Variants in RARB observed in about 807,000 individuals in gnomAD.
RARB encodes retinoic acid receptor beta, also known as HBV-activated protein.
Under a neutral mutation model 51.9 loss-of-function variants are expected in RARB, and 17 were observed. The ratio of observed to expected loss-of-function variants is 0.33; its 90% CI spans 0.22 to 0.49. RARB has a LOEUF of 0.49. Ranked by LOEUF, RARB falls within the 20% of genes least tolerant of loss-of-function variation. RARB has a pLI of 0.99. For missense variants in RARB, 369 were observed against 550.8 expected, an observed-to-expected ratio of 0.67 and a Z score of 3.30; for synonymous variants, 215 against 195.4, an observed-to-expected ratio of 1.10 and a Z score of -0.84.
intron 1 of RARB, among the ~76,000 whole-genome samples, chr3:25,447,931 A>G (rs1224274900): frequency 2.0e-5 from 3 of 152,192 alleles, no homozygotes; most frequent in Admixed American, 2.0e-4. Context: ...GAGATTCATC[A>G]GCATAAGCAT....
At chr3:25,333,135 C>G (rs1163570518) in intron 5 of RARB, among the ~76,000 whole-genome samples, 1 of 152,154 alleles carries the variant, frequency 6.6e-6, no homozygotes, top group Non-Finnish European at 1.5e-5. Context: ...CCATCCCCAT[C>G]AAGCTACCAA....
intron 5 of RARB, among the ~76,000 whole-genome samples, chr3:25,239,650 G>A (rs942933679): frequency 2.0e-5 from 3 of 151,980 alleles, no homozygotes; most frequent in Non-Finnish European, 2.9e-5. Flanking sequence ...ATTCTGTTCC[G>A]TTGGTCTGCG....
At chr3:24,936,211 A>G (rs1171640560) in intron 2 of RARB, among the ~76,000 whole-genome samples, 2 of 152,164 alleles carry the variant, frequency 1.3e-5, no homozygotes, top group Non-Finnish European at 2.9e-5. Context: ...AGATAGCATC[A>G]TAATTTTGAG....
intron 1 of RARB, among the ~76,000 whole-genome samples, chr3:25,446,663 C>T (rs943358704): frequency 2.0e-4 from 30 of 151,700 alleles, no homozygotes; most frequent in Middle Eastern, 3.4e-3. Context: ...ATTAGCCGGG[C>T]GTGGTGGCAG....
chr3:24,863,569 A>C (rs1702795041), intron 2 of RARB, among the ~76,000 whole-genome samples: 1 of 152,168 alleles, frequency 6.6e-6, no homozygotes, highest in South Asian at 2.1e-4. Flanking sequence ...AAGCATCAAG[A>C]AGTGAATGCC....
At chr3:25,251,377 G>A (rs1051532586) in intron 5 of RARB, among the ~76,000 whole-genome samples, 2 of 151,844 alleles carry the variant, frequency 1.3e-5, no homozygotes, top group Admixed American at 6.6e-5. Context: ...ATTTTCTTGG[G>A]TATATACCCA....
At chr3:25,413,062 C>A (rs542798677) in intron 5 of RARB, among the ~76,000 whole-genome samples, 1 of 151,790 alleles carries the variant, frequency 6.6e-6, no homozygotes, top group Admixed American at 6.6e-5. Context: ...AAAAATATGA[C>A]CCGAACACCA....
chr3:25,443,845 C>G (rs1708813442), intron 1 of RARB, among the ~76,000 whole-genome samples: 1 of 151,484 alleles, frequency 6.6e-6, no homozygotes, highest in African/African-American at 2.4e-5. Context: ...ACAGGAGAAT[C>G]ACTTGAACCC....
intron 5 of RARB, among the ~76,000 whole-genome samples, chr3:25,209,859 G>C (rs576514435): frequency 1.2e-4 from 19 of 152,324 alleles, no homozygotes; most frequent in Non-Finnish European, 2.8e-4. Flanking sequence ...TGTCTGTCCT[G>C]TGATGTGACC....
At chr3:25,329,479 G>T (rs987780993) in intron 5 of RARB, among the ~76,000 whole-genome samples, 1 of 151,962 alleles carries the variant, frequency 6.6e-6, no homozygotes, top group South Asian at 2.1e-4. Flanking sequence ...TAAACAGAAA[G>T]GACATCCACA....
intron 4 of RARB, among the ~76,000 whole-genome samples, chr3:25,167,368 T>C (rs1700577056): frequency 1.3e-5 from 2 of 152,304 alleles, no homozygotes; most frequent in South Asian, 4.1e-4. Context: ...GTGATGCTAA[T>C]CACTGACAAG....
At chr3:25,334,378 A>G (rs1704998264) in intron 5 of RARB, among the ~76,000 whole-genome samples, 1 of 152,226 alleles carries the variant, frequency 6.6e-6, no homozygotes, top group Non-Finnish European at 1.5e-5. Context: ...TGTCCTTTTT[A>G]GGGACATGGA....
At chr3:24,957,017 A>G (rs2125408949) in intron 2 of RARB, among the ~76,000 whole-genome samples, 1 of 152,282 alleles carries the variant, frequency 6.6e-6, no homozygotes, top group East Asian at 1.9e-4. Flanking sequence ...GATCCTCTGT[A>G]TTTCGTACCA....
intron 5 of RARB, among the ~76,000 whole-genome samples, chr3:25,191,954 C>T (rs1468966958): frequency 6.6e-6 from 1 of 152,016 alleles, no homozygotes; most frequent in Non-Finnish European, 1.5e-5. Context: ...AAGAGAGTCT[C>T]TTAGGGGAAG....
chr3:25,182,921 C>T (rs978560331), intron 5 of RARB, among the ~76,000 whole-genome samples: 1 of 152,038 alleles, frequency 6.6e-6, no homozygotes, highest in Non-Finnish European at 1.5e-5. Flanking sequence ...AAGATTGGAG[C>T]TAGCTGCCAA....
chr3:25,478,790 G>A (rs1327210853), intron 2 of RARB, among the ~76,000 whole-genome samples: 1 of 152,208 alleles, frequency 6.6e-6, no homozygotes, highest in Non-Finnish European at 1.5e-5. Flanking sequence ...CAGGCCCCCT[G>A]CTTTCTCCTG....
chr3:25,332,963 G>T lies in RARB; in HGVS notation c.179-128230G>T, dbSNP rs113152758. Among the ~76,000 whole-genome samples, 1,413 of 152,032 alleles carry T rather than the reference G, an allele frequency of 9.3e-3. 18 individuals carry two copies. The highest frequency in any genetic ancestry group is 0.027 in the African/African-American group (1,127 of 41,462). ...AGAATAAAATACCTAGGAATCCAAC[G>T]TACAAGGGATGTGAAGGACCTATTC... is the stretch of plus-strand genomic sequence containing the variant. On this transcript the variant is annotated intron_variant, in intron 5 of 11. Coordinates refer to the RARB transcript ENST00000383772.
rs115641990 is a variant in RARB at position 25,263,180 on chromosome 3, G to T, written c.178+88605G>T. ...TCATGTAAGTTGCACTGGTCTGCTT[G>T]CTCTAGCCGATAATAAAATTATATA... On this transcript the variant is annotated intron_variant, in intron 5 of 11. Coordinates refer to the RARB transcript ENST00000383772. 4.2e-3 allele frequency among the ~76,000 whole-genome samples: 635 copies of T among 152,194 alleles called. 9 individuals are homozygous for T. The highest frequency in any genetic ancestry group is 0.014 in the African/African-American group (586 of 41,512).
At chr3:25,570,004 ACAC>A in intron 4 of RARB, 86 bp downstream of exon 4, 1 of 1,420,198 alleles carries the variant, frequency 7.0e-7, no homozygotes, top group Non-Finnish European at 9.6e-7. Context: ...ACACACACAC[ACAC>A]ACACACACAC....
Sources: allele counts gnomAD v4.1 joint callset (sites outside exome capture counted in the v4.1 genomes callset), GRCh38; gene constraint gnomAD v4.1.1; transcripts MANE v1.5; gene names NCBI Gene and HGNC (gene_info 2026-07-23, HGNC 2026-07-21).